Variants in WWOX observed in about 807,000 individuals in gnomAD.
WWOX encodes the protein WW domain containing oxidoreductase.
A neutral mutation model predicts 46.2 loss-of-function variants in WWOX; 69 were observed. That is an observed-to-expected ratio of 1.49 (90% confidence interval 1.23 to 1.82). The LOEUF is 1.82. Among genes scored for constraint, WWOX ranks in the 40% most tolerant of loss-of-function variants. The pLI, the probability that WWOX is intolerant of heterozygous loss-of-function variation, is 0.00. For missense variants in WWOX, 919 were observed against 542.6 expected, an observed-to-expected ratio of 1.69 and a Z score of -6.89; for synonymous variants, 359 against 202.6, an observed-to-expected ratio of 1.77 and a Z score of -6.56.
chr16:78,503,726 T>G (rs1295638571), intron 8 of WWOX: 1 of 152,220 alleles, frequency 6.6e-6, no homozygotes, highest in Non-Finnish European at 1.5e-5. Flanking sequence ...TTAAAGAGCC[T>G]GTGTTCTATC....
chr16:78,953,704 A>G (rs1036967431), intron 8 of WWOX, among the ~76,000 whole-genome samples: 2 of 152,140 alleles, frequency 1.3e-5, no homozygotes, highest in South Asian at 2.1e-4. Context: ...AAGAGAGTGC[A>G]TGCATGAATG....
intron 8 of WWOX, among the ~76,000 whole-genome samples, chr16:78,575,051 ATATAT>A (rs2044834981): frequency 1.6e-4 from 2 of 12,336 alleles, no homozygotes; most frequent in Admixed American, 1.3e-3. Flanking sequence ...ATATATATAT[ATATAT>A]ATATATATAT....
chr16:78,899,543 C>T (rs575129080), intron 8 of WWOX: 11 of 152,250 alleles, frequency 7.2e-5, no homozygotes, highest in Admixed American at 5.2e-4. Flanking sequence ...TCTGTGGAAA[C>T]AGTGGGTTTA....
At chr16:78,327,175 G>A (rs1387476782) in intron 5 of WWOX, among the ~76,000 whole-genome samples, 1 of 152,158 alleles carries the variant, frequency 6.6e-6, no homozygotes, top group African/African-American at 2.4e-5. Context: ...TCATTTAAGT[G>A]GCAGCGATGG....
chr16:78,702,126 A>G (rs2048237863), intron 8 of WWOX, among the ~76,000 whole-genome samples: 2 of 133,040 alleles, frequency 1.5e-5, no homozygotes, highest in African/African-American at 2.8e-5. Flanking sequence ...ATATATATTT[A>G]TTTATTTTCA....
intron 8 of WWOX, among the ~76,000 whole-genome samples, chr16:79,113,269 G>A (rs140012503): frequency 3.9e-5 from 6 of 152,334 alleles, no homozygotes; most frequent in African/African-American, 1.2e-4. Flanking sequence ...TAGGGAGCAG[G>A]TACTGCTGTG....
At position 78,711,103 on chromosome 16, in the gene WWOX, G is replaced by A. The variant is rs367984244; in HGVS notation, c.1056+278351G>A. Among the ~76,000 whole-genome samples the A allele has an allele frequency of 3.0e-4, 45 of 152,220 alleles. No homozygotes were observed. In the East Asian group the frequency reaches 5.6e-3, roughly 19 times the overall value. ...TATAAAGAGAGATTACTTCCAACAC[G>A]TTTCTTTAAAGCCTGCTGGCTAAAT... On this transcript the variant is annotated intron_variant, in intron 8 of 8. Transcript: ENST00000566780.
intron 6 of WWOX, among the ~76,000 whole-genome samples, chr16:78,407,830 A>T (rs999049501): frequency 6.6e-6 from 1 of 152,218 alleles, no homozygotes; most frequent in Non-Finnish European, 1.5e-5. Context: ...TTCTTACCAC[A>T]TCTTGAGTCT....
At chr16:78,463,733 A>G (rs2084007993) in intron 8 of WWOX, among the ~76,000 whole-genome samples, 1 of 152,194 alleles carries the variant, frequency 6.6e-6, no homozygotes, top group African/African-American at 2.4e-5. Context: ...AACTTGGGTA[A>G]TTCTAATGCT....
chr16:78,739,201 G>A (rs796595115), intron 8 of WWOX, among the ~76,000 whole-genome samples: 9 of 152,218 alleles, frequency 5.9e-5, no homozygotes, highest in African/African-American at 2.2e-4. Flanking sequence ...TAAGTACCCG[G>A]CTAAAATTGT....
At chr16:78,805,911 T>C (rs1194979147) in intron 8 of WWOX, among the ~76,000 whole-genome samples, 3 of 152,156 alleles carry the variant, frequency 2.0e-5, no homozygotes, top group South Asian at 2.1e-4. Context: ...GCCAGGAACA[T>C]TTTTCTCATC....
intron 5 of WWOX, among the ~76,000 whole-genome samples, chr16:78,165,815 T>G (rs918790242): frequency 1.3e-5 from 2 of 152,238 alleles, no homozygotes; most frequent in African/African-American, 4.8e-5. Context: ...ATATTTGAAA[T>G]TCAGTATATT....
At chr16:78,822,636 A>C (rs1194119086) in intron 8 of WWOX, among the ~76,000 whole-genome samples, 1 of 152,208 alleles carries the variant, frequency 6.6e-6, no homozygotes, top group East Asian at 1.9e-4. Flanking sequence ...CGTGTTCCTA[A>C]TGGGTGGAAT....
At chr16:78,158,898 G>T (rs1006945588) in intron 4 of WWOX, among the ~76,000 whole-genome samples, 3 of 152,094 alleles carry the variant, frequency 2.0e-5, no homozygotes, top group Non-Finnish European at 4.4e-5. Flanking sequence ...TGGCGTACCT[G>T]AAACTTCATA....
intron 8 of WWOX, among the ~76,000 whole-genome samples, chr16:78,733,754 C>CA (rs1298790846): frequency 1.3e-5 from 2 of 149,726 alleles, no homozygotes; most frequent in African/African-American, 4.9e-5. Flanking sequence ...GAATCCGTCT[C>CA]AAAAAATAAG....
chr16:78,829,514 T>A lies in WWOX; in HGVS notation c.1057-382094T>A, dbSNP rs539855466. Among the ~76,000 whole-genome samples the A allele has an allele frequency of 2.6e-5, 4 of 152,304 alleles. No homozygotes were observed. The South Asian group carries it at 8.3e-4, about 32-fold the overall frequency. ...CACTCAGAAATAATGGTTAGTCAGA[T>A]ATCTGGGCACTGTGTGGCCCAGTCA... On this transcript the variant is annotated intron_variant, in intron 8 of 8. Transcript: ENST00000566780.
chr16:78,630,300 T>C (rs2046397389), intron 8 of WWOX, among the ~76,000 whole-genome samples: 1 of 152,158 alleles, frequency 6.6e-6, no homozygotes, highest in Non-Finnish European at 1.5e-5. Context: ...GGCTCTTGGC[T>C]GCATCTGGGA....
rs954073120 is a variant in WWOX, at chr16:78,977,695, G to A, written c.1057-233913G>A. On this transcript the variant is annotated intron_variant, in intron 8 of 8. Coordinates refer to ENST00000566780, the MANE Select transcript of WWOX (RefSeq NM_016373.4). ...GAAAGGAGGTTCTGACAGAGGGCTC[G>A]GATCATCAGCAGGGGCAGGGGGTGC... is the stretch of plus-strand genomic sequence containing the variant. Among the ~76,000 whole-genome samples, 25 of 152,176 alleles carry A rather than the reference G, an allele frequency of 1.6e-4. 1 individual carries two copies. The highest frequency in any genetic ancestry group is 5.3e-4 in the African/African-American group (22 of 41,524).
At chr16:78,825,001 A>T (rs1431434700) in intron 8 of WWOX, among the ~76,000 whole-genome samples, 1 of 152,190 alleles carries the variant, frequency 6.6e-6, no homozygotes, top group Admixed American at 6.5e-5. Context: ...ATAGCCATAA[A>T]CAAAGTGCTC....
Sources: allele counts gnomAD v4.1 joint callset (sites outside exome capture counted in the v4.1 genomes callset), GRCh38; gene constraint gnomAD v4.1.1; transcripts MANE v1.5; gene names NCBI Gene and HGNC (gene_info 2026-07-23, HGNC 2026-07-21).